The following UNC5D variants were observed in gnomAD, a reference collection of about 807,000 sequenced individuals.
UNC5D encodes the protein unc-5 netrin receptor D, also known as netrin receptor UNC5D.
A neutral mutation model predicts 105.4 loss-of-function variants in UNC5D; 39 were observed. The ratio of observed to expected loss-of-function variants is 0.37; its 90% CI spans 0.29 to 0.48. The LOEUF is 0.48. Ranked by LOEUF, UNC5D falls within the 20% of genes least tolerant of loss-of-function variation. UNC5D has a pLI of 0.98. For missense variants in UNC5D, 991 were observed against 1,202.4 expected, an observed-to-expected ratio of 0.82 and a Z score of 2.60; for synonymous variants, 452 against 450.4, an observed-to-expected ratio of 1.00 and a Z score of -0.04.
chr8:35,405,658 C>T (rs1200910238), intron 1 of UNC5D, among the ~76,000 whole-genome samples: 1 of 152,116 alleles, frequency 6.6e-6, no homozygotes, highest in Non-Finnish European at 1.5e-5. Context: ...TAACGTTAAA[C>T]TGTTTCTCGG....
chr8:35,428,805 C>T (rs1806430171), intron 1 of UNC5D, among the ~76,000 whole-genome samples: 1 of 151,888 alleles, frequency 6.6e-6, no homozygotes. Context: ...ATGAAAACAC[C>T]ACCAACCAAC....
At chr8:35,249,930 T>G (rs1312811493) in intron 1 of UNC5D, among the ~76,000 whole-genome samples, 3 of 152,112 alleles carry the variant, frequency 2.0e-5, no homozygotes, top group African/African-American at 4.8e-5. Context: ...AAGCCATTTT[T>G]TTTTTTCAAA....
chr8:35,388,976 C>G (rs764529622), intron 1 of UNC5D, among the ~76,000 whole-genome samples: 1 of 152,026 alleles, frequency 6.6e-6, no homozygotes, highest in African/African-American at 2.4e-5. Context: ...TTTCAATGTT[C>G]ATTGACGGTG....
chr8:35,636,443 G>C (rs1169412803), intron 4 of UNC5D, among the ~76,000 whole-genome samples: 1 of 152,166 alleles, frequency 6.6e-6, no homozygotes, highest in African/African-American at 2.4e-5. Flanking sequence ...GTACCCACTG[G>C]GTGCCTGTAG....
intron 4 of UNC5D, among the ~76,000 whole-genome samples, chr8:35,638,228 A>T (rs1822497372): frequency 6.6e-6 from 1 of 152,188 alleles, no homozygotes; most frequent in South Asian, 2.1e-4. Flanking sequence ...ATCATTACGC[A>T]TAGTAACTTA....
chr8:35,401,857 A>T (rs1804486737), intron 1 of UNC5D, among the ~76,000 whole-genome samples: 1 of 152,226 alleles, frequency 6.6e-6, no homozygotes, highest in Non-Finnish European at 1.5e-5. Flanking sequence ...AAACTGGCAA[A>T]GTCGGCATTA....
chr8:35,655,421 T>A (rs1041610303), intron 4 of UNC5D, among the ~76,000 whole-genome samples: 1 of 152,250 alleles, frequency 6.6e-6, no homozygotes, highest in Non-Finnish European at 1.5e-5. Flanking sequence ...TACTTAGAGA[T>A]AATGAATGGG....
intron 1 of UNC5D, among the ~76,000 whole-genome samples, chr8:35,400,652 A>G (rs1331628818): frequency 6.6e-6 from 1 of 152,180 alleles, no homozygotes; most frequent in Non-Finnish European, 1.5e-5. Context: ...TTATCAGGTT[A>G]CACCCAGAGG....
chr8:35,547,765 C>T (rs751918672), intron 1 of UNC5D, among the ~76,000 whole-genome samples: 2 of 152,138 alleles, frequency 1.3e-5, no homozygotes, highest in South Asian at 2.1e-4. Context: ...AGACTCTCTT[C>T]GGAGAGTTGG....
At chr8:35,627,898 G>A (rs140466430) in intron 4 of UNC5D, among the ~76,000 whole-genome samples, 4 of 152,258 alleles carry the variant, frequency 2.6e-5, no homozygotes, top group South Asian at 2.1e-4. Context: ...CTACACTACC[G>A]CCTGGGTGAC....
intron 4 of UNC5D, among the ~76,000 whole-genome samples, chr8:35,648,073 A>G (rs1212392826): frequency 6.6e-6 from 1 of 152,168 alleles, no homozygotes. Flanking sequence ...CTATAGGACA[A>G]TCTGGAGTCC....
intron 1 of UNC5D, among the ~76,000 whole-genome samples, chr8:35,327,677 C>A (rs575373267): frequency 6.6e-6 from 1 of 152,200 alleles, no homozygotes; most frequent in Non-Finnish European, 1.5e-5. Context: ...TAACTGACTG[C>A]AACTGCTCTT....
intron 3 of UNC5D, among the ~76,000 whole-genome samples, chr8:35,583,254 G>A (rs771438543): frequency 2.0e-5 from 3 of 152,266 alleles, no homozygotes; most frequent in Admixed American, 6.5e-5. Flanking sequence ...TTGGGAGGCC[G>A]AGGCAGTAGT....
chr8:35,609,410 G>A (rs1342154204), intron 4 of UNC5D, among the ~76,000 whole-genome samples: 1 of 152,168 alleles, frequency 6.6e-6, no homozygotes, highest in Non-Finnish European at 1.5e-5. Context: ...TACACAGTAA[G>A]TCATTGCTAT....
intron 1 of UNC5D, among the ~76,000 whole-genome samples, chr8:35,458,403 C>G (rs1808642990): frequency 6.6e-6 from 1 of 152,156 alleles, no homozygotes; most frequent in Admixed American, 6.6e-5. Flanking sequence ...CTCACCATGA[C>G]TGGTAGTTGC....
intron 4 of UNC5D, among the ~76,000 whole-genome samples, chr8:35,625,687 G>C (rs1182069960): frequency 6.6e-6 from 1 of 152,166 alleles, no homozygotes; most frequent in African/African-American, 2.4e-5. Context: ...TATTAAATGC[G>C]TGCAGTGTGC....
intron 1 of UNC5D, among the ~76,000 whole-genome samples, chr8:35,248,314 A>AGT (rs1803340069): frequency 8.7e-6 from 1 of 115,492 alleles, no homozygotes; most frequent in Non-Finnish European, 1.6e-5. Context: ...ATAATATATA[A>AGT]ATATATGTTA....
rs1028071487 is a variant in UNC5D at position 35,736,640 on chromosome 8, G to A, written c.1766+5544G>A. Among the ~76,000 whole-genome samples, 4 of 152,210 alleles carry A rather than the reference G, an allele frequency of 2.6e-5. No homozygotes were observed. In the East Asian group the frequency reaches 5.8e-4, roughly 22 times the overall value. Reference sequence around the variant, plus strand: ...CAGTGTGGTATATACGGTGACCACAGTGAAAGGATGAACCCCGTTTAAAGG... The same window carrying A: ...CAGTGTGGTATATACGGTGACCACAATGAAAGGATGAACCCCGTTTAAAGG... On this transcript the variant is annotated intron_variant, in intron 11 of 16. Coordinates refer to ENST00000404895, the MANE Select transcript of UNC5D (RefSeq NM_080872.4).
At chr8:35,376,527 A>G (rs1802709204) in intron 1 of UNC5D, among the ~76,000 whole-genome samples, 1 of 152,156 alleles carries the variant, frequency 6.6e-6, no homozygotes, top group South Asian at 2.1e-4. Context: ...GTAGGGAAGC[A>G]TGTCTATTTA....
Sources: allele counts gnomAD v4.1 joint callset (sites outside exome capture counted in the v4.1 genomes callset), GRCh38; gene constraint gnomAD v4.1.1; transcripts MANE v1.5; gene names NCBI Gene and HGNC (gene_info 2026-07-23, HGNC 2026-07-21).